DNAJC15: variants seen among roughly 807,000 people sequenced by gnomAD.
The protein encoded by DNAJC15 is dnaJ homolog subfamily C member 15.
A neutral mutation model predicts 22.4 loss-of-function variants in DNAJC15; 27 were observed. The ratio of observed to expected loss-of-function variants is 1.20; its 90% confidence interval spans 0.89 to 1.66. The LOEUF is 1.66. Ranked by LOEUF, DNAJC15 falls within the 40% of genes most tolerant of loss-of-function variation. DNAJC15 has a pLI of 0.00. For synonymous variants in DNAJC15, 79 were observed against 63.2 expected (o/e 1.25, Z -1.19); for missense variants, 208 against 187.1 (o/e 1.11, Z -0.65).
intron 1 of DNAJC15, among the ~76,000 whole-genome samples, chr13:43,061,975 C>A (rs1479116392): frequency 1.3e-5 from 2 of 152,208 alleles, no homozygotes; most frequent in Non-Finnish European, 1.5e-5. Context: ...TACCCTGTTG[C>A]ATGCCCCGTC....
intron 5 of DNAJC15, among the ~76,000 whole-genome samples, chr13:43,096,172 C>T (rs1424800161): frequency 6.6e-6 from 1 of 152,102 alleles, no homozygotes; most frequent in Non-Finnish European, 1.5e-5. Context: ...AATTGTATAA[C>T]TGTGGGACAG....
At chr13:43,078,549 G>T in intron 3 of DNAJC15, 63 bp from the exon 4 acceptor site, 1 of 1,388,378 alleles carries the variant, frequency 7.2e-7, no homozygotes, top group Non-Finnish European at 1.0e-6. Context: ...TACATGATGA[G>T]ATTGAGGTCA....
rs376916757 is a variant in DNAJC15 at position 43,081,679 on chromosome 13, C to T, written c.311+2991C>T. ...GTCTCGATCTCCTGACTTTGTGATCCGCCTGCCTCAGCCTCTCAAAGTGCT... is the reference window on the plus strand; with the variant it reads ...GTCTCGATCTCCTGACTTTGTGATCTGCCTGCCTCAGCCTCTCAAAGTGCT... On this transcript the variant is annotated intron_variant, in intron 4 of 5. Coordinates refer to ENST00000379221, the MANE Select transcript of DNAJC15 (RefSeq NM_013238.3). Among the ~76,000 whole-genome samples, 18 of 151,870 alleles carry T rather than the reference C, an allele frequency of 1.2e-4. No individual in the cohort carries two copies. In the East Asian group the frequency reaches 1.4e-3, roughly 11 times the overall value.
intron 5 of DNAJC15, among the ~76,000 whole-genome samples, chr13:43,098,702 T>G (rs1455833779): frequency 6.6e-6 from 1 of 152,220 alleles, no homozygotes; most frequent in Non-Finnish European, 1.5e-5. Flanking sequence ...CCCCTTTAGC[T>G]ATTGTCCCCT....
chr13:43,046,786 G>A (rs570527777), intron 1 of DNAJC15, among the ~76,000 whole-genome samples: 40 of 152,248 alleles, frequency 2.6e-4, no homozygotes, highest in East Asian at 1.9e-3. Context: ...GCTGTCCACC[G>A]CTGCTGTTTG....
intron 5 of DNAJC15, among the ~76,000 whole-genome samples, chr13:43,100,586 G>C (rs2040763692): frequency 6.6e-6 from 1 of 152,066 alleles, no homozygotes; most frequent in Non-Finnish European, 1.5e-5. Context: ...CATAAGCTGT[G>C]GGTGGTGTTA....
At chr13:43,048,104 A>G (rs1428522633) in intron 1 of DNAJC15, among the ~76,000 whole-genome samples, 1 of 152,208 alleles carries the variant, frequency 6.6e-6, no homozygotes, top group African/African-American at 2.4e-5. Context: ...CAAAATATTC[A>G]TGCATTGTAT....
intron 2 of DNAJC15, 144 bp from the exon 3 acceptor site, chr13:43,068,785 AT>A: frequency 7.9e-6 from 5 of 629,246 alleles, no homozygotes; most frequent in Non-Finnish European, 1.2e-5. Flanking sequence ...ATTTGAAAAA[AT>A]TGACCATCTT....
intron 4 of DNAJC15, among the ~76,000 whole-genome samples, chr13:43,083,802 G>A (rs1183344835): frequency 6.6e-6 from 1 of 152,060 alleles, no homozygotes; most frequent in Non-Finnish European, 1.5e-5. Flanking sequence ...ATGTTTAATT[G>A]TTTATCTGGG....
chr13:43,087,916 TAAAA>T (rs2040696908), intron 5 of DNAJC15, among the ~76,000 whole-genome samples: 2 of 152,298 alleles, frequency 1.3e-5, no homozygotes, highest in South Asian at 4.1e-4. Context: ...TGTAGTGAGA[TAAAA>T]AAATAATGCA....
chr13:43,052,224 A>G (rs946989806), intron 1 of DNAJC15, among the ~76,000 whole-genome samples: 1 of 151,760 alleles, frequency 6.6e-6, no homozygotes, highest in Non-Finnish European at 1.5e-5. Flanking sequence ...CAGCCTCCCA[A>G]AGTGCTGGGA....
intron 1 of DNAJC15, among the ~76,000 whole-genome samples, chr13:43,033,217 C>A (rs2040411929): frequency 6.6e-6 from 1 of 152,168 alleles, no homozygotes; most frequent in African/African-American, 2.4e-5. Flanking sequence ...CAGATCTGAA[C>A]CATATCAAGA....
intron 1 of DNAJC15, among the ~76,000 whole-genome samples, chr13:43,037,188 G>A (rs976629993): frequency 6.6e-6 from 1 of 152,238 alleles, no homozygotes; most frequent in Non-Finnish European, 1.5e-5. Context: ...AGTAAAATCG[G>A]TTGCTGTAAG....
chr13:43,038,779 G>A (rs1156598305), intron 1 of DNAJC15, among the ~76,000 whole-genome samples: 5 of 144,162 alleles, frequency 3.5e-5, no homozygotes, highest in East Asian at 2.0e-4. Context: ...GCGACAAAGC[G>A]AGACTCTGTC....
At chr13:43,067,791 CTG>C (rs1295948772) in intron 2 of DNAJC15, among the ~76,000 whole-genome samples, 3 of 152,062 alleles carry the variant, frequency 2.0e-5, no homozygotes, top group East Asian at 1.9e-4. Context: ...AAGTCAGTCA[CTG>C]TGGTTTTGAA....
chr13:43,086,161 C>T (rs752274022), intron 5 of DNAJC15, among the ~76,000 whole-genome samples: 1 of 152,128 alleles, frequency 6.6e-6, no homozygotes, highest in Non-Finnish European at 1.5e-5. Context: ...TTGGGCATCA[C>T]GAATTGTATT....
chr13:43,089,023 G>A (rs2040702217), intron 5 of DNAJC15, among the ~76,000 whole-genome samples: 1 of 152,118 alleles, frequency 6.6e-6, no homozygotes, highest in Non-Finnish European at 1.5e-5. Context: ...AGTGAAGAAC[G>A]TGGCTTACTC....
chr13:43,050,610 TA>T (rs911872964), intron 1 of DNAJC15, among the ~76,000 whole-genome samples: 3 of 151,858 alleles, frequency 2.0e-5, no homozygotes, highest in East Asian at 1.9e-4. Context: ...GATACATGAT[TA>T]AAAAAAAATT....
intron 3 of DNAJC15, among the ~76,000 whole-genome samples, chr13:43,069,653 C>T (rs572734586): frequency 3.9e-5 from 6 of 152,280 alleles, no homozygotes; most frequent in African/African-American, 1.2e-4. Flanking sequence ...CAGTGAGGCC[C>T]TGCAGCGTAA....
Sources: gnomAD v4.1 joint callset for allele counts (sites outside exome capture counted in the v4.1 genomes callset) on GRCh38, gnomAD v4.1.1 for gene constraint, MANE v1.5 for transcripts, NCBI Gene and HGNC (gene_info 2026-07-23, HGNC 2026-07-21) for gene names.